AGBL4: variants seen among roughly 807,000 people sequenced by gnomAD.
The protein encoded by AGBL4 is AGBL carboxypeptidase 4, also known as cytosolic carboxypeptidase 6.
AGBL4 carries 58 observed loss-of-function variants against 66.4 expected under a neutral mutation model. That is an observed-to-expected ratio of 0.87 (90% confidence interval 0.71 to 1.09). The LOEUF (loss-of-function observed/expected upper bound fraction) is 1.09, where lower values mean the gene tolerates loss of function less well. Among genes scored for constraint, AGBL4 ranks in the 50% least tolerant of loss-of-function variants. The pLI is 0.00. For synonymous variants in AGBL4, 234 were observed against 222.9 expected, an observed-to-expected ratio of 1.05 and a Z score of -0.44; for missense variants, 579 against 631.0, an observed-to-expected ratio of 0.92 and a Z score of 0.88.
chr1:49,032,324 A>T (rs1664294409), intron 5 of AGBL4, among the ~76,000 whole-genome samples: 1 of 152,190 alleles, frequency 6.6e-6, no homozygotes. Context: ...GGTGTAGTAG[A>T]AAAGACAAGT....
intron 6 of AGBL4, among the ~76,000 whole-genome samples, chr1:48,703,009 A>C (rs952141059): frequency 6.6e-6 from 1 of 152,224 alleles, no homozygotes; most frequent in Non-Finnish European, 1.5e-5. Flanking sequence ...AGGTCTGCAG[A>C]GACTCTGCTC....
chr1:48,889,989 CGTGT>C (rs10557498), intron 5 of AGBL4, among the ~76,000 whole-genome samples: 44,488 of 148,576 alleles, frequency 0.3, 6,945 homozygotes, highest in East Asian at 0.7. Flanking sequence ...AGCCTGCTTG[CGTGT>C]GTGTGTGTGT....
chr1:48,572,978 T>C (rs951699583), intron 11 of AGBL4, among the ~76,000 whole-genome samples: 2 of 152,200 alleles, frequency 1.3e-5, no homozygotes, highest in Admixed American at 1.3e-4. Flanking sequence ...CCAGTATCCT[T>C]CTGATGGAGC....
intron 1 of AGBL4, among the ~76,000 whole-genome samples, chr1:49,874,271 T>C (rs986939365): frequency 3.3e-5 from 5 of 152,106 alleles, no homozygotes; most frequent in African/African-American, 1.2e-4. Flanking sequence ...ATCTTTGCAG[T>C]CTTGGAGTAG....
rs354163 is a variant in AGBL4, at chr1:49,198,490, A to G, written c.377+47280T>C. On this transcript the variant is annotated intron_variant, in intron 4 of 13. Coordinates refer to ENST00000371839, the MANE Select transcript of AGBL4 (RefSeq NM_032785.4). ...CGAGTAGCTGGGGTTACAGGTGCAC[A>G]CCACCATGCCTGGCTAAGGTATGTA... Among the ~76,000 whole-genome samples the G allele has an allele frequency of 7.6e-3, 1,154 of 152,074 alleles. 15 individuals are homozygous for G. Among genetic ancestry groups the G allele is most frequent in the African/African-American group, 0.026 (1,091 of 41,484 alleles).
intron 3 of AGBL4, among the ~76,000 whole-genome samples, chr1:49,513,014 T>C (rs1272318992): frequency 6.6e-6 from 1 of 151,996 alleles, no homozygotes; most frequent in African/African-American, 2.4e-5. Flanking sequence ...CAGGAATAAC[T>C]ATCCCCATGT....
intron 3 of AGBL4, among the ~76,000 whole-genome samples, chr1:49,590,527 G>C (rs1444433701): frequency 6.6e-6 from 1 of 152,016 alleles, no homozygotes; most frequent in Admixed American, 6.6e-5. Context: ...TCTCGAGGTA[G>C]AAAACATCAG....
At chr1:49,129,162 A>G (rs1180197695) in intron 4 of AGBL4, among the ~76,000 whole-genome samples, 1 of 152,056 alleles carries the variant, frequency 6.6e-6, no homozygotes, top group Non-Finnish European at 1.5e-5. Context: ...ATACTACTAC[A>G]TACCCACTAG....
intron 3 of AGBL4, among the ~76,000 whole-genome samples, chr1:49,496,476 TTCC>T (rs1557995031): frequency 6.6e-6 from 1 of 151,894 alleles, no homozygotes; most frequent in Non-Finnish European, 1.5e-5. Context: ...CTTGAATTTA[TTCC>T]TCCTAACCGA....
chr1:49,288,771 G>C (rs1324385896), intron 3 of AGBL4, among the ~76,000 whole-genome samples: 1 of 152,184 alleles, frequency 6.6e-6, no homozygotes, highest in Non-Finnish European at 1.5e-5. Context: ...TTGAGATGAA[G>C]GGCTATGCCC....
At chr1:49,889,648 T>C (rs983653140) in intron 1 of AGBL4, among the ~76,000 whole-genome samples, 2 of 151,900 alleles carry the variant, frequency 1.3e-5, no homozygotes, top group African/African-American at 4.8e-5. Context: ...TCCCAGCTAC[T>C]CAGGAGGCTG....
At chr1:49,406,549 A>G (rs1032730714) in intron 3 of AGBL4, among the ~76,000 whole-genome samples, 29 of 152,198 alleles carry the variant, frequency 1.9e-4, no homozygotes, top group African/African-American at 6.5e-4. Flanking sequence ...TGTAGTTTTT[A>G]TATATTTTAG....
At chr1:48,838,595 C>T (rs1233675484) in intron 6 of AGBL4, among the ~76,000 whole-genome samples, 2 of 152,008 alleles carry the variant, frequency 1.3e-5, no homozygotes, top group Non-Finnish European at 2.9e-5. Flanking sequence ...TAGAAGAAAA[C>T]GTTGGGAAAA....
Position 49,275,190 on chromosome 1 carries a change from T to A in AGBL4, c.283-29326A>T, listed in dbSNP as rs544765553. Among the ~76,000 whole-genome samples the A allele has an allele frequency of 5.9e-5, 9 of 152,320 alleles. No homozygotes were observed. The South Asian group carries it at 1.9e-3, about 32-fold the overall frequency. On this transcript the variant is annotated intron_variant, in intron 3 of 13. Transcript: ENST00000371839. The stretch of plus-strand genomic sequence containing the variant: ...ACTACTCTGAGAAGTTGAGATTAAC[T>A]TCACAGAGCTAATAAAAAGCTCTTG...
intron 6 of AGBL4, among the ~76,000 whole-genome samples, chr1:48,669,112 GATGGACTGGGT>G (rs1646235824): frequency 6.6e-6 from 1 of 152,182 alleles, no homozygotes; most frequent in South Asian, 2.1e-4. Context: ...TCCCTGGGTA[GATGGACTGGGT>G]CTCATAACCA....
chr1:49,016,720 G>A (rs1662853231), intron 5 of AGBL4, among the ~76,000 whole-genome samples: 1 of 152,158 alleles, frequency 6.6e-6, no homozygotes, highest in African/African-American at 2.4e-5. Flanking sequence ...GGTCGTCAGC[G>A]AACCCTGACA....
intron 3 of AGBL4, among the ~76,000 whole-genome samples, chr1:49,585,719 C>A (rs141793106): frequency 6.6e-6 from 1 of 152,120 alleles, no homozygotes; most frequent in Admixed American, 6.5e-5. Context: ...TTTTAAGTCA[C>A]TAAATTTGTG....
intron 6 of AGBL4, among the ~76,000 whole-genome samples, chr1:48,708,002 T>C (rs1333098414): frequency 6.6e-6 from 1 of 152,174 alleles, no homozygotes; most frequent in Non-Finnish European, 1.5e-5. Flanking sequence ...ACACATTCAC[T>C]CATTTAACCC....
chr1:49,764,455 C>T (rs1315389231), intron 2 of AGBL4, among the ~76,000 whole-genome samples: 1 of 152,124 alleles, frequency 6.6e-6, no homozygotes, highest in East Asian at 1.9e-4. Context: ...CCTGAGAGAT[C>T]TGCCAGTGAG....
Sources: allele counts gnomAD v4.1 joint callset (sites outside exome capture counted in the v4.1 genomes callset), GRCh38; gene constraint gnomAD v4.1.1; transcripts MANE v1.5; gene names NCBI Gene and HGNC (gene_info 2026-07-23, HGNC 2026-07-21).